Variants in KCNH1 observed in about 807,000 individuals in gnomAD.
KCNH1 encodes voltage-gated delayed rectifier potassium channel KCNH1.
Under a neutral mutation model 69.2 loss-of-function variants are expected in KCNH1, and 27 were observed. The observed-to-expected ratio is 0.39, with a 90% CI of 0.29 to 0.54. KCNH1 has a LOEUF of 0.54. Ranked by LOEUF, KCNH1 falls within the 20% of genes least tolerant of loss-of-function variation. KCNH1 has a pLI of 0.68. For missense variants in KCNH1, 798 were observed against 1,261.6 expected (o/e 0.63, Z 5.57); for synonymous variants, 456 against 487.7 (o/e 0.93, Z 0.86).
intron 5 of KCNH1, among the ~76,000 whole-genome samples, chr1:211,066,430 T>G (rs1367988962): frequency 6.6e-6 from 1 of 152,208 alleles, no homozygotes; most frequent in Non-Finnish European, 1.5e-5. Context: ...CATTTTTGTT[T>G]CATGTATACT....
At chr1:210,998,055 A>C (rs924828620) in intron 6 of KCNH1, among the ~76,000 whole-genome samples, 1 of 152,218 alleles carries the variant, frequency 6.6e-6, no homozygotes, top group Admixed American at 6.5e-5. Flanking sequence ...CCACTGCAAA[A>C]ACATGCCAAG....
chr1:210,845,287 T>A (rs1428020759), intron 7 of KCNH1, among the ~76,000 whole-genome samples: 1 of 152,162 alleles, frequency 6.6e-6, no homozygotes, highest in Admixed American at 6.5e-5. Context: ...AAAGAGAATT[T>A]TAGACCAATA....
intron 5 of KCNH1, among the ~76,000 whole-genome samples, chr1:211,055,158 A>G (rs1690281816): frequency 6.6e-6 from 1 of 152,216 alleles, no homozygotes; most frequent in Non-Finnish European, 1.5e-5. Context: ...AAAGGCACTG[A>G]AAAGGGTAGA....
intron 10 of KCNH1, among the ~76,000 whole-genome samples, chr1:210,767,352 C>A (rs2102359726): frequency 6.6e-6 from 1 of 152,302 alleles, no homozygotes; most frequent in Admixed American, 6.5e-5. Context: ...ATTAGCGAGA[C>A]CCTGCCAGTA....
At chr1:210,844,983 A>G (rs1456622213) in intron 7 of KCNH1, among the ~76,000 whole-genome samples, 2 of 152,244 alleles carry the variant, frequency 1.3e-5, no homozygotes, top group Non-Finnish European at 2.9e-5. Flanking sequence ...TCTAGAAGAA[A>G]TGGATAAATT....
chr1:211,109,038 G>C (rs1194421902), intron 1 of KCNH1, among the ~76,000 whole-genome samples: 3 of 152,180 alleles, frequency 2.0e-5, no homozygotes, highest in Admixed American at 1.3e-4. Flanking sequence ...TCTCAGAGGG[G>C]ATAATATTTG....
intron 10 of KCNH1, among the ~76,000 whole-genome samples, chr1:210,695,665 G>T (rs1681622998): frequency 6.6e-6 from 1 of 152,086 alleles, no homozygotes; most frequent in African/African-American, 2.4e-5. Flanking sequence ...GACTATCTGG[G>T]GACTGACAGA....
chr1:210,704,960 G>A (rs1302581437), intron 10 of KCNH1, among the ~76,000 whole-genome samples: 1 of 152,138 alleles, frequency 6.6e-6, no homozygotes, highest in Non-Finnish European at 1.5e-5. Flanking sequence ...CTTCTCTGGG[G>A]TTTGTGGGGT....
intron 10 of KCNH1, among the ~76,000 whole-genome samples, chr1:210,758,845 G>A (rs1458827927): frequency 6.6e-6 from 1 of 152,206 alleles, no homozygotes; most frequent in Non-Finnish European, 1.5e-5. Flanking sequence ...CACACTGGGA[G>A]GTGTTGCTTT....
At chr1:211,102,532 G>A (rs941125805) in intron 3 of KCNH1, among the ~76,000 whole-genome samples, 2 of 152,128 alleles carry the variant, frequency 1.3e-5, no homozygotes, top group African/African-American at 4.8e-5. Context: ...TTGGGCTTGT[G>A]GATGGCCAGT....
chr1:211,120,624 CA>C (rs931701098), intron 1 of KCNH1, among the ~76,000 whole-genome samples: 22 of 151,842 alleles, frequency 1.4e-4, no homozygotes, highest in Non-Finnish European at 1.9e-4. Flanking sequence ...TCTCAGAACT[CA>C]AAAAAAGTGA....
intron 6 of KCNH1, among the ~76,000 whole-genome samples, chr1:210,966,586 G>C (rs1445192706): frequency 6.6e-6 from 1 of 152,150 alleles, no homozygotes; most frequent in East Asian, 1.9e-4. Context: ...CTCAAAAGAA[G>C]ACATTTATGC....
intron 10 of KCNH1, among the ~76,000 whole-genome samples, chr1:210,763,499 G>T (rs1171742168): frequency 6.6e-6 from 1 of 151,754 alleles, no homozygotes; most frequent in African/African-American, 2.4e-5. Context: ...TCCTAAATTT[G>T]ATGACTTCAG....
chr1:210,695,013 G>A (rs1228978776), intron 10 of KCNH1, among the ~76,000 whole-genome samples: 6 of 152,338 alleles, frequency 3.9e-5, no homozygotes, highest in Admixed American at 1.3e-4. Flanking sequence ...TGGGGGCAGC[G>A]CCCATATAGT....
chr1:210,845,767 T>G (rs1346336750), intron 7 of KCNH1, among the ~76,000 whole-genome samples: 8 of 152,170 alleles, frequency 5.3e-5, no homozygotes, highest in Non-Finnish European at 1.0e-4. Context: ...GGTATTCAAT[T>G]AGGAAAAGAG....
intron 7 of KCNH1, among the ~76,000 whole-genome samples, chr1:210,834,558 T>G (rs1685241637): frequency 7.7e-6 from 1 of 129,646 alleles, no homozygotes; most frequent in African/African-American, 2.8e-5. Flanking sequence ...GGGGGAGGGA[T>G]AGCATTGGGA....
At chr1:211,113,935 GTCTC>G (rs138982653) in intron 1 of KCNH1, among the ~76,000 whole-genome samples, 10 of 139,882 alleles carry the variant, frequency 7.1e-5, no homozygotes, top group South Asian at 4.8e-4. Flanking sequence ...ATTAGATCAA[GTCTC>G]TCTCTCTCTC....
At chr1:211,033,053 A>G (rs1689821076) in intron 5 of KCNH1, among the ~76,000 whole-genome samples, 1 of 152,244 alleles carries the variant, frequency 6.6e-6, no homozygotes, top group Non-Finnish European at 1.5e-5. Context: ...ATGAACTCAA[A>G]TAAATTTACA....
intron 6 of KCNH1, among the ~76,000 whole-genome samples, chr1:210,984,201 C>T (rs1688776020): frequency 6.6e-6 from 1 of 152,192 alleles, no homozygotes; most frequent in South Asian, 2.1e-4. Context: ...TCTAGATATA[C>T]AATCATGTCA....
Sources: allele counts gnomAD v4.1 joint callset (sites outside exome capture counted in the v4.1 genomes callset), GRCh38; gene constraint gnomAD v4.1.1; transcripts MANE v1.5; gene names NCBI Gene and HGNC (gene_info 2026-07-23, HGNC 2026-07-21).